Variants in PRIM2 observed in about 807,000 individuals in gnomAD.
The protein encoded by PRIM2 is DNA primase subunit 2.
A neutral mutation model predicts 67.3 loss-of-function variants in PRIM2; 39 were observed. The ratio of observed to expected loss-of-function variants is 0.58; its 90% CI spans 0.45 to 0.76. The LOEUF is 0.76. PRIM2 is among the 30% of genes least tolerant of loss of function. The probability of loss-of-function intolerance (pLI) is 0.00; values close to 1 mark genes in which losing one functional copy is unlikely to be tolerated. For missense variants in PRIM2, 398 were observed against 598.7 expected, an observed-to-expected ratio of 0.66 and a Z score of 3.50; for synonymous variants, 143 against 198.7, an observed-to-expected ratio of 0.72 and a Z score of 2.36.
chr6:57,391,968 A>G (rs1471809945), intron 7 of PRIM2, among the ~76,000 whole-genome samples: 2 of 152,216 alleles, frequency 1.3e-5, no homozygotes, highest in South Asian at 2.1e-4. Flanking sequence ...TTTGGGCAGT[A>G]TGACCATTTT....
intron 5 of PRIM2, among the ~76,000 whole-genome samples, chr6:57,328,154 A>G (rs1767930649): frequency 1.3e-5 from 2 of 152,170 alleles, no homozygotes; most frequent in Admixed American, 1.3e-4. Context: ...CCAGTTGTAG[A>G]GTGTCTCAGC....
the PRIM2 span, among the ~76,000 whole-genome samples, chr6:57,309,627 C>T: frequency 1.1e-4 from 16 of 152,168 alleles, no homozygotes; most frequent in African/African-American, 2.9e-4. Flanking sequence ...AATAAACATA[C>T]GTGTGCATGT....
chr6:57,264,199 C>T, the PRIM2 span, among the ~76,000 whole-genome samples: 1 of 152,032 alleles, frequency 6.6e-6, no homozygotes, highest in Non-Finnish European at 1.5e-5. Context: ...TTTCAGCATC[C>T]TAATGATGTC....
intron 7 of PRIM2, chr6:57,505,279 G>T (rs1389454045): frequency 6.6e-6 from 1 of 152,176 alleles, no homozygotes; most frequent in Non-Finnish European, 1.5e-5. Context: ...CAGAGCATTG[G>T]CCTCTCCCTG....
At chr6:57,376,228 A>C (rs1769759463) in intron 5 of PRIM2, among the ~76,000 whole-genome samples, 1 of 151,990 alleles carries the variant, frequency 6.6e-6, no homozygotes, top group African/African-American at 2.4e-5. Context: ...CGCCCAGGCT[A>C]GTCTCAAACT....
At chr6:57,430,598 T>C (rs753504902) in intron 7 of PRIM2, among the ~76,000 whole-genome samples, 157 of 151,778 alleles carry the variant, frequency 1.0e-3, no homozygotes, top group Non-Finnish European at 1.7e-3. Context: ...GGACTACAGG[T>C]GCCCACCACC....
At chr6:57,420,994 G>A (rs559734468) in intron 7 of PRIM2, among the ~76,000 whole-genome samples, 11 of 152,276 alleles carry the variant, frequency 7.2e-5, no homozygotes, top group African/African-American at 2.6e-4. Flanking sequence ...CATGAAATGG[G>A]GAGAAAGGAG....
At chr6:57,222,971 A>C in the PRIM2 span, among the ~76,000 whole-genome samples, 1 of 152,210 alleles carries the variant, frequency 6.6e-6, no homozygotes, top group African/African-American at 2.4e-5. Context: ...ACGAATACTT[A>C]GGGTGCACGG....
Position 57,470,007 on chromosome 6 carries a change from A to G in PRIM2, c.694-37380A>G, listed in dbSNP as rs1773297404. Among the ~76,000 whole-genome samples, 3 of 152,130 alleles carry G rather than the reference A, an allele frequency of 2.0e-5. No individual in the cohort carries two copies. The South Asian group carries it at 6.2e-4, about 32-fold the overall frequency. ...ATTTCTAGTACTTTGGAGGCTAAAA[A>G]TGCAGTTGGCTGAGTTACCCTGACC... On this transcript the variant is annotated intron_variant, in intron 7 of 13. Coordinates refer to ENST00000615550, the MANE Select transcript of PRIM2 (RefSeq NM_000947.5).
intron 10 of PRIM2, among the ~76,000 whole-genome samples, chr6:57,567,541 G>A (rs1775767652): frequency 6.6e-6 from 1 of 152,038 alleles, no homozygotes; most frequent in South Asian, 2.1e-4. Flanking sequence ...ACCATAAGTC[G>A]GGGAAGGTCT....
chr6:57,274,075 G>A, the PRIM2 span, among the ~76,000 whole-genome samples: 4 of 152,346 alleles, frequency 2.6e-5, no homozygotes, highest in South Asian at 6.2e-4. Context: ...TCAGGGGTCA[G>A]GGACCCACTT....
chr6:57,280,546 G>A, the PRIM2 span, among the ~76,000 whole-genome samples: 1 of 151,978 alleles, frequency 6.6e-6, no homozygotes, highest in Non-Finnish European at 1.5e-5. Context: ...GTCTCACTCT[G>A]TCACCCAGGC....
intron 7 of PRIM2, among the ~76,000 whole-genome samples, chr6:57,402,056 C>T (rs931289604): frequency 1.6e-4 from 25 of 152,178 alleles, no homozygotes; most frequent in African/African-American, 5.8e-4. Context: ...AGGCCCAGGC[C>T]TGGCGGACCT....
chr6:57,583,746 G>A (rs1178530976), intron 10 of PRIM2, among the ~76,000 whole-genome samples: 2 of 152,222 alleles, frequency 1.3e-5, no homozygotes, highest in African/African-American at 2.4e-5. Context: ...CTGAGGAATC[G>A]CCACACTGAC....
intron 10 of PRIM2, among the ~76,000 whole-genome samples, chr6:57,555,566 C>T (rs1775498458): frequency 6.6e-6 from 1 of 152,218 alleles, no homozygotes; most frequent in Admixed American, 6.5e-5. Context: ...AGGCGTGAGC[C>T]ACCGTGCCTG....
chr6:57,548,452 A>G (rs1332769356), intron 10 of PRIM2, among the ~76,000 whole-genome samples: 3 of 152,218 alleles, frequency 2.0e-5, no homozygotes, highest in Non-Finnish European at 4.4e-5. Flanking sequence ...CAGGAGCAGT[A>G]AAACTCATGG....
chr6:57,538,995 T>C (rs1231169456), intron 10 of PRIM2, among the ~76,000 whole-genome samples: 50,139 of 152,052 alleles, frequency 0.33, 9,574 homozygotes, highest in African/African-American at 0.52. Flanking sequence ...ATTCAGCTCG[T>C]GTGTGTAGCT....
chr6:57,397,819 T>C (rs531724466), intron 7 of PRIM2, among the ~76,000 whole-genome samples: 72 of 152,176 alleles, frequency 4.7e-4, no homozygotes, highest in African/African-American at 1.7e-3. Flanking sequence ...GTCTTTTGCT[T>C]GCTTAGAGGC....
chr6:57,234,268 T>C, the PRIM2 span, among the ~76,000 whole-genome samples: 1 of 152,218 alleles, frequency 6.6e-6, no homozygotes, highest in African/African-American at 2.4e-5. Flanking sequence ...GTTATATTTT[T>C]CTTCTTACAT....
Sources: gnomAD v4.1 joint callset for allele counts (sites outside exome capture counted in the v4.1 genomes callset) on GRCh38, gnomAD v4.1.1 for gene constraint, MANE v1.5 for transcripts, NCBI Gene and HGNC (gene_info 2026-07-23, HGNC 2026-07-21) for gene names.